GATM: variants seen among roughly 807,000 people sequenced by gnomAD.
The protein encoded by GATM is glycine amidinotransferase, mitochondrial.
A neutral mutation model predicts 54.2 loss-of-function variants in GATM; 23 were observed. The observed-to-expected ratio is 0.42, with a 90% CI of 0.31 to 0.60. The LOEUF (loss-of-function observed/expected upper bound fraction) is 0.60, where lower values mean the gene tolerates loss of function less well. Among genes scored for constraint, GATM ranks in the 20% least tolerant of loss-of-function variants. The pLI is 0.14. For missense variants in GATM, 401 were observed against 544.9 expected (o/e 0.74, Z 2.63); for synonymous variants, 168 against 183.1 (o/e 0.92, Z 0.67).
rs1382594796 is a variant in GATM at position 45,363,944 on chromosome 15, A to G, written c.1115T>C (p.Val372Ala). The change falls in exon 8 of 9, where the codon GTG (valine) becomes GCG (alanine). Residue 372 changes from valine (V) to alanine (A), a missense_variant. By Grantham distance (64) the Val-to-Ala change is moderately conservative. Coordinates refer to ENST00000396659, the MANE Select transcript of GATM (RefSeq NM_001482.3). ...TTGAATTGGAACTTCATTGGCATCCACCATAACACGTTTTTCATCTAGCAT... is the reference window on the plus strand; with the variant it reads ...TTGAATTGGAACTTCATTGGCATCCGCCATAACACGTTTTTCATCTAGCAT... ...VLMLDEKRVM[V>A]DANEVPIQKM... 1 of 1,613,518 alleles carries G rather than the reference A, an allele frequency of 6.2e-7. No homozygotes were observed. Among genetic ancestry groups the G allele is most frequent in the Non-Finnish European group, 8.5e-7 (1 of 1,179,782 alleles).
intron 1 of GATM, among the ~76,000 whole-genome samples, chr15:45,399,746 A>G (rs975587137): frequency 6.6e-6 from 1 of 152,218 alleles, no homozygotes; most frequent in Non-Finnish European, 1.5e-5. Flanking sequence ...AGTGGAAACC[A>G]CAGTTGAGAA....
chr15:45,366,941 T>C lies in GATM; in HGVS notation c.676-433A>G, dbSNP rs531865872. ...TGTAAATTAAACTTTATCATAGGTA[T>C]GTATATATGTACAGGAAAAAACAAA... On this transcript the variant is annotated intron_variant, in intron 4 of 8. Coordinates refer to ENST00000396659, the MANE Select transcript of GATM (RefSeq NM_001482.3). Among the ~76,000 whole-genome samples the C allele has an allele frequency of 2.0e-4, 30 of 152,352 alleles. 1 individual carries two copies. The highest frequency in any genetic ancestry group is 7.3e-5 in the Non-Finnish European group (5 of 68,044).
At position 45,368,069 on chromosome 15, in the gene GATM, C is replaced by A; in HGVS notation, c.675+1G>T. On this transcript the variant is annotated splice_donor_variant, in intron 4 of 8. Transcript: ENST00000396659. LOFTEE classifies it high-confidence loss of function. The surrounding 1 kb of genome is among the most constrained non-coding windows in gnomAD (Gnocchi z 5.1). Reference sequence around the variant, plus strand: ...AAGCTAGCCTATAATTAGGGACTCACCTGGTTATAAAGCTCATCAGCCATT... The same window carrying A: ...AAGCTAGCCTATAATTAGGGACTCAACTGGTTATAAAGCTCATCAGCCATT... 6.2e-7 allele frequency: 1 copy of A among 1,613,858 alleles called. No individual in the cohort carries two copies. The highest frequency in any genetic ancestry group is 8.5e-7 in the Non-Finnish European group (1 of 1,179,854).
intron 1 of GATM, chr15:45,378,057 C>T: frequency 3.4e-6 from 1 of 296,784 alleles, no homozygotes; most frequent in Non-Finnish European, 6.3e-6. Context: ...AAGCTTGGTG[C>T]AGCGCACCAA....
At chr15:45,376,307 T>C (rs1298107632) in intron 2 of GATM, among the ~76,000 whole-genome samples, 1 of 152,204 alleles carries the variant, frequency 6.6e-6, no homozygotes, top group African/African-American at 2.4e-5. Context: ...AGTAATATTC[T>C]GTTCAACCTT....
At chr15:45,379,243 T>G (rs1889700105), upstream of GATM, 1 of 152,212 alleles carries the variant, frequency 6.6e-6, no homozygotes, top group Non-Finnish European at 1.5e-5. Context: ...TTCAACTTGA[T>G]CAGGATTCTT....
chr15:45,365,706 T>C (rs1889437774), intron 6 of GATM, among the ~76,000 whole-genome samples: 1 of 152,192 alleles, frequency 6.6e-6, no homozygotes, highest in Admixed American at 6.5e-5. Flanking sequence ...GCAAGGATGA[T>C]CTTGTCCAAA....
intron 3 of GATM, among the ~76,000 whole-genome samples, chr15:45,392,538 C>T (rs531406747): frequency 2.6e-5 from 4 of 152,136 alleles, no homozygotes; most frequent in African/African-American, 9.7e-5. Context: ...CTGAGAGCAC[C>T]AAAGCACAGC....
intron 2 of GATM, among the ~76,000 whole-genome samples, chr15:45,372,935 A>G (rs185587466): frequency 3.3e-5 from 5 of 152,342 alleles, no homozygotes; most frequent in East Asian, 3.9e-4. Context: ...TGAACACTAT[A>G]TTAGACGCTT....
At position 45,378,193 on chromosome 15, in the gene GATM, A is replaced by G. The variant is rs903642590; in HGVS notation, c.69+192T>C. 1.2e-5 allele frequency: 6 copies of G among 480,526 alleles called. No individual in the cohort carries two copies. The Admixed American group carries it at 2.6e-4, about 21-fold the overall frequency. 29.8% of individuals were successfully genotyped at this position (480,526 alleles called of 1,614,324 possible). ...TCCCCCTGACTGGGGGACGCCGCCC[A>G]GCTCCTGGAGCCTGCGAAGGCTCTT... is the stretch of plus-strand genomic sequence containing the variant. On this transcript the variant is annotated intron_variant, in intron 1 of 8. Coordinates refer to ENST00000396659, the MANE Select transcript of GATM (RefSeq NM_001482.3).
upstream of GATM, among the ~76,000 whole-genome samples, chr15:45,382,327 A>G (rs947129034): frequency 7.9e-5 from 12 of 152,296 alleles, no homozygotes; most frequent in African/African-American, 2.9e-4. Flanking sequence ...AGCACAAGTG[A>G]TCTGATAGCT....
intron 6 of GATM, 131 bp downstream of exon 6, chr15:45,365,915 T>C (rs1889440846): frequency 9.6e-6 from 8 of 833,442 alleles, no homozygotes; most frequent in Admixed American, 7.7e-5. Context: ...TGTTTGATCA[T>C]AATAATGTTG....
upstream of GATM, chr15:45,380,169 G>T (rs1382457052): frequency 2.0e-5 from 3 of 146,868 alleles, no homozygotes; most frequent in East Asian, 4.1e-4. Context: ...CATGGTGGTG[G>T]GTGCCTGTAA....
In GATM at chr15:45,395,900, A is replaced by C. The variant is rs1889923201; in HGVS notation, c.-319+1022T>G. Among the ~76,000 whole-genome samples the C allele has an allele frequency of 5.3e-5, 8 of 152,314 alleles. No homozygotes were observed. The South Asian group carries it at 1.7e-3, about 32-fold the overall frequency. Reference sequence around the variant, plus strand: ...TTCCACGACTAAGTCCCATTTTACCAATCCAGCCTTGCTGCTACTCATTCA... The same window carrying C: ...TTCCACGACTAAGTCCCATTTTACCCATCCAGCCTTGCTGCTACTCATTCA... On this transcript the variant is annotated intron_variant, in intron 3 of 4. Transcript: ENST00000561148.
rs537837230 is a variant in GATM at position 45,400,766 on chromosome 15, T to C, written c.-529-1171A>G. On this transcript the variant is annotated intron_variant, in intron 1 of 4. Coordinates refer to the GATM transcript ENST00000561148. Reference sequence around the variant, plus strand: ...GCCATTTCTGCACTGTAAATATAAGTAAATCTACTAACTCTTTTACATGAG... The same window carrying C: ...GCCATTTCTGCACTGTAAATATAAGCAAATCTACTAACTCTTTTACATGAG... Among the ~76,000 whole-genome samples, 3 of 152,342 alleles carry C rather than the reference T, an allele frequency of 2.0e-5. No homozygotes were observed. In the East Asian group the frequency reaches 5.8e-4, roughly 29 times the overall value.
chr15:45,400,216 T>C lies in GATM; in HGVS notation c.-529-621A>G, dbSNP rs139312173. ...AAGACTGGGTGACAGAGCAAGACTGTCTAAAAAATAAATAAAATTTTAAAA... is the reference window on the plus strand; with the variant it reads ...AAGACTGGGTGACAGAGCAAGACTGCCTAAAAAATAAATAAAATTTTAAAA... On this transcript the variant is annotated intron_variant, in intron 1 of 4. Transcript: ENST00000561148. 4.3e-3 allele frequency among the ~76,000 whole-genome samples: 659 copies of C among 152,190 alleles called. 2 individuals are homozygous for C. Among genetic ancestry groups the C allele is most frequent in the African/African-American group, 0.015 (632 of 41,496 alleles).
chr15:45,384,908 A>G (rs1484238393), intron 3 of GATM, among the ~76,000 whole-genome samples: 1 of 152,078 alleles, frequency 6.6e-6, no homozygotes, highest in Non-Finnish European at 1.5e-5. Flanking sequence ...AGGTCATACT[A>G]TGTTGCCTAG....
chr15:45,401,325 A>G (rs1890002289), intron 1 of GATM, among the ~76,000 whole-genome samples: 1 of 148,930 alleles, frequency 6.7e-6, no homozygotes, highest in Non-Finnish European at 1.5e-5. Flanking sequence ...GCATAGATAG[A>G]AAAAAAAAAC....
intron 2 of GATM, among the ~76,000 whole-genome samples, chr15:45,370,383 A>AAAAAAAG (rs1889521339): frequency 2.0e-5 from 3 of 146,776 alleles, no homozygotes; most frequent in Middle Eastern, 3.4e-3. Flanking sequence ...CTCAAAAAAA[A>AAAAAAAG]AAAAAGAAAA....
Sources: allele counts gnomAD v4.1 joint callset (sites outside exome capture counted in the v4.1 genomes callset), GRCh38; gene constraint gnomAD v4.1.1; non-coding constraint Gnocchi (gnomAD v3.1); transcripts MANE v1.5; gene names NCBI Gene and HGNC (gene_info 2026-07-23, HGNC 2026-07-21).